The following VCF2 variants were observed in gnomAD, a reference collection of about 807,000 sequenced individuals.
The protein encoded by VCF2 is VCP nuclear cofactor family member 2, also known as protein VCF2.
the VCF2 span, among the ~76,000 whole-genome samples, chrX:55,150,655 C>A: frequency 8.9e-6 from 1 of 111,916 alleles, no homozygotes; most frequent in East Asian, 2.8e-4. Context: ...TCAATTATGT[C>A]TTTATGACTG....
chrX:55,160,993 G>C, the VCF2 span: 26 of 1,167,330 alleles, frequency 2.2e-5, no homozygotes, highest in Non-Finnish European at 3.0e-5. Flanking sequence ...CATGAGAGCC[G>C]AGCGCCACCA....
the VCF2 span, among the ~76,000 whole-genome samples, chrX:55,147,614 C>T: frequency 1.9e-5 from 2 of 104,867 alleles, no homozygotes; most frequent in South Asian, 8.7e-4. Context: ...CAATTCGGTT[C>T]CTCTTAGTTG....
chrX:55,144,926 C>T, the VCF2 span, among the ~76,000 whole-genome samples: 3 of 112,739 alleles, frequency 2.7e-5, no homozygotes, highest in Non-Finnish European at 5.6e-5. Context: ...CTGATGCATC[C>T]TGGTCCTTTG....
At chrX:55,145,312 C>A in the VCF2 span, 2 of 746,341 alleles carry the variant, frequency 2.7e-6, no homozygotes, top group Non-Finnish European at 3.2e-6. Flanking sequence ...TTGTTTAAGA[C>A]AAAATATTAC....
At chrX:55,160,733 G>T in the VCF2 span, 1 of 840,751 alleles carries the variant, frequency 1.2e-6, no homozygotes, top group Non-Finnish European at 1.7e-6. Context: ...AATACCAGTT[G>T]CTAGGGTACC....
chrX:55,153,767 C>A, the VCF2 span, among the ~76,000 whole-genome samples: 7 of 111,942 alleles, frequency 6.3e-5, no homozygotes, highest in Admixed American at 9.5e-5. Flanking sequence ...CAAGTAAAAT[C>A]TCCTGCTTAT....
At chrX:55,153,689 A>G in the VCF2 span, among the ~76,000 whole-genome samples, 1 of 111,487 alleles carries the variant, frequency 9.0e-6, no homozygotes, top group Admixed American at 9.5e-5. Context: ...CTCATCCACT[A>G]CAAATATATT....
the VCF2 span, among the ~76,000 whole-genome samples, chrX:55,149,823 T>A: frequency 8.9e-6 from 1 of 112,297 alleles, no homozygotes; most frequent in East Asian, 2.8e-4. Context: ...ACAGATTTAA[T>A]GGGCCTCATG....
chrX:55,146,087 T>A, the VCF2 span: 2 of 1,209,457 alleles, frequency 1.7e-6, no homozygotes, highest in Admixed American at 4.4e-5. Flanking sequence ...TAATTCATCA[T>A]GTTGGAGCTT....
the VCF2 span, chrX:55,159,024 T>G: frequency 1.3e-4 from 78 of 621,668 alleles, no homozygotes; most frequent in African/African-American, 1.6e-3. Context: ...AAAACTTTTA[T>G]GAAGGTTTCT....
the VCF2 span, chrX:55,160,837 C>A: frequency 8.7e-7 from 1 of 1,155,975 alleles, no homozygotes; most frequent in Non-Finnish European, 1.1e-6. Context: ...CACCTCACCC[C>A]CGCCTCCAGG....
At chrX:55,161,027 G>A in the VCF2 span, 677 of 1,170,566 alleles carry the variant, frequency 5.8e-4, no homozygotes, top group Non-Finnish European at 7.5e-4. Flanking sequence ...ATACATATCC[G>A]CTGCGTTTCC....
At chrX:55,153,008 A>G in the VCF2 span, among the ~76,000 whole-genome samples, 1 of 112,362 alleles carries the variant, frequency 8.9e-6, no homozygotes, top group East Asian at 2.8e-4. Flanking sequence ...GACTCAAAAG[A>G]TTGCAACCTC....
the VCF2 span, among the ~76,000 whole-genome samples, chrX:55,148,697 T>C: frequency 2.7e-5 from 3 of 110,983 alleles, no homozygotes; most frequent in Non-Finnish European, 5.7e-5. Flanking sequence ...TTTTTAGAGA[T>C]TGGGTTTTGA....
chrX:55,159,892 CAT>C, the VCF2 span, among the ~76,000 whole-genome samples: 63 of 112,386 alleles, frequency 5.6e-4, no homozygotes, highest in East Asian at 2.2e-3. Flanking sequence ...CAGCGTTTGA[CAT>C]AGTTTTCACA....
At chrX:55,151,888 C>CTTTT in the VCF2 span, among the ~76,000 whole-genome samples, 23 of 49,965 alleles carry the variant, frequency 4.6e-4, no homozygotes, top group African/African-American at 9.0e-4. Flanking sequence ...GCTGTGCTTT[C>CTTTT]TTTTTTTTTT....
the VCF2 span, among the ~76,000 whole-genome samples, chrX:55,147,633 T>C: frequency 8.8e-5 from 7 of 79,189 alleles, no homozygotes; most frequent in Non-Finnish European, 1.7e-4. Flanking sequence ...TGGCTTTCCT[T>C]GTTTTTTTTT....
At chrX:55,143,584 G>A in the VCF2 span, 1 of 291,324 alleles carries the variant, frequency 3.4e-6, no homozygotes, top group Middle Eastern at 9.2e-4. Flanking sequence ...TCTGATGTTA[G>A]GAATGTTTTA....
At chrX:55,147,156 C>T in the VCF2 span, among the ~76,000 whole-genome samples, 1 of 111,889 alleles carries the variant, frequency 8.9e-6, no homozygotes, top group Non-Finnish European at 1.9e-5. Context: ...GGCAAGGACT[C>T]TTATTCAAAT....
Sources: gnomAD v4.1 joint callset for allele counts (sites outside exome capture counted in the v4.1 genomes callset) on GRCh38, gnomAD v4.1.1 for gene constraint, MANE v1.5 for transcripts, NCBI Gene and HGNC (gene_info 2026-07-23, HGNC 2026-07-21) for gene names.